GRB14: variants seen among roughly 807,000 people sequenced by gnomAD.
GRB14 encodes growth factor receptor-bound protein 14.
In GRB14, 38 loss-of-function variants were observed where a neutral mutation model predicts 69.1. The observed-to-expected ratio is 0.55, with a 90% CI of 0.42 to 0.72. The LOEUF (loss-of-function observed/expected upper bound fraction) is 0.72. GRB14 is among the 30% of genes least tolerant of loss of function. The pLI is 0.00. For synonymous variants in GRB14, 247 were observed against 241.3 expected, an observed-to-expected ratio of 1.02 and a Z score of -0.22; for missense variants, 666 against 666.1, an observed-to-expected ratio of 1.00 and a Z score of 0.00.
intron 8 of GRB14, among the ~76,000 whole-genome samples, chr2:164,503,113 G>A (rs1574246810): frequency 6.7e-6 from 1 of 150,190 alleles, no homozygotes; most frequent in East Asian, 2.0e-4. Context: ...ACTTGTCCTG[G>A]AGGTTTCCAC....
At chr2:164,540,875 G>C (rs1163209171) in intron 3 of GRB14, among the ~76,000 whole-genome samples, 1 of 152,170 alleles carries the variant, frequency 6.6e-6, no homozygotes, top group Non-Finnish European at 1.5e-5. Context: ...AACTGTTTGG[G>C]TAACGCAGCC....
chr2:164,616,693 T>C (rs575930135), intron 2 of GRB14, among the ~76,000 whole-genome samples: 8 of 152,280 alleles, frequency 5.3e-5, no homozygotes, highest in African/African-American at 1.9e-4. Flanking sequence ...ACATTTTTAG[T>C]CTGGATTCTC....
At chr2:164,572,945 T>C (rs559660874) in intron 2 of GRB14, among the ~76,000 whole-genome samples, 12 of 152,338 alleles carry the variant, frequency 7.9e-5, no homozygotes, top group East Asian at 5.8e-4. Context: ...TCTCACACTA[T>C]TGTGCTGTGC....
rs574967446 is a variant in GRB14 at position 164,508,512 on chromosome 2, G to A, written c.966C>T (p.Leu322=). 1 of 1,614,106 alleles carries A rather than the reference G, an allele frequency of 6.2e-7. No homozygotes were observed. Among genetic ancestry groups the A allele is most frequent in the African/African-American group, 1.3e-5 (1 of 75,050 alleles). ...TCCTACTCTGCTCTTCTTCTGCACAGAGCATTTTCAGGTCTCGGGGCCCTC... is the reference window on the plus strand; with the variant it reads ...TCCTACTCTGCTCTTCTTCTGCACAAAGCATTTTCAGGTCTCGGGGCCCTC... ...KAGGPRDLKM[L]CAEEEQSRTC... The change falls in exon 8 of 14, where the codon CTC becomes CTT. Residue 322 remains leucine, a synonymous_variant. Coordinates refer to ENST00000263915, the MANE Select transcript of GRB14 (RefSeq NM_004490.3).
In GRB14 at chr2:164,527,155, G is replaced by A. The variant is rs781559590; in HGVS notation, c.482-20C>T. The A allele has an allele frequency of 1.6e-6, 2 of 1,236,056 alleles. No individual in the cohort carries two copies. Among genetic ancestry groups the A allele is most frequent in the Non-Finnish European group, 2.3e-6 (2 of 881,828 alleles). The allele number at this position is 1,236,056 out of a possible 1,614,324, so 76.6% of individuals were successfully genotyped here. A position where few individuals can be genotyped will look rare whatever the true frequency, so the allele number is the denominator to read the frequency against. ...TTCTTTCTGTAAAGAATGTTTCAATGAGTATGTTGACAGATAGACAAATAT... is the reference window on the plus strand; with the variant it reads ...TTCTTTCTGTAAAGAATGTTTCAATAAGTATGTTGACAGATAGACAAATAT... On this transcript the variant is annotated intron_variant, in intron 3 of 13. Coordinates refer to ENST00000263915, the MANE Select transcript of GRB14 (RefSeq NM_004490.3).
rs192191313 is a variant in GRB14 at position 164,522,635 on chromosome 2, G to A, written c.679-518C>T. On this transcript the variant is annotated intron_variant, in intron 5 of 13. Transcript: ENST00000263915. The stretch of plus-strand genomic sequence containing the variant: ...GACTTCAATTGTGAAGCAGGAAGTT[G>A]AGCCAAGTTCACCTCCTTGAGGCGG... Among the ~76,000 whole-genome samples, 85 of 152,222 alleles carry A rather than the reference G, an allele frequency of 5.6e-4. 1 individual carries two copies. In the South Asian group the frequency reaches 0.01, roughly 19 times the overall value.
At chr2:164,599,487 T>C (rs939123348) in intron 2 of GRB14, among the ~76,000 whole-genome samples, 1 of 152,086 alleles carries the variant, frequency 6.6e-6, no homozygotes, top group Non-Finnish European at 1.5e-5. Flanking sequence ...ACTGAAGAGA[T>C]AAAAAAGAAT....
At chr2:164,593,770 G>A (rs1035719473) in intron 2 of GRB14, among the ~76,000 whole-genome samples, 5 of 152,150 alleles carry the variant, frequency 3.3e-5, no homozygotes, top group African/African-American at 1.2e-4. Context: ...ATTTCCAGGA[G>A]GGATGCCTTC....
chr2:164,516,795 G>A lies in GRB14; in HGVS notation c.816+5185C>T, dbSNP rs143195827. ...TCTCAGCATTTTGGGATGCCGAGGTGGGTGGATCACTTGAGGGCAGAATTT... is the reference window on the plus strand; with the variant it reads ...TCTCAGCATTTTGGGATGCCGAGGTAGGTGGATCACTTGAGGGCAGAATTT... On this transcript the variant is annotated intron_variant, in intron 6 of 13. Coordinates refer to ENST00000263915, the MANE Select transcript of GRB14 (RefSeq NM_004490.3). Among the ~76,000 whole-genome samples, 115 of 152,274 alleles carry A rather than the reference G, an allele frequency of 7.6e-4. 1 individual carries two copies. In the East Asian group the frequency reaches 0.021, roughly 28 times the overall value.
At chr2:164,619,273 G>A (rs1022362684) in intron 2 of GRB14, among the ~76,000 whole-genome samples, 4 of 152,116 alleles carry the variant, frequency 2.6e-5, no homozygotes, top group African/African-American at 9.7e-5. Context: ...GTTGGCTTGG[G>A]TTGAAAATGT....
chr2:164,539,644 A>G (rs1003455342), intron 3 of GRB14: 3 of 152,164 alleles, frequency 2.0e-5, no homozygotes, highest in Non-Finnish European at 2.9e-5. Context: ...CGATAGTAGC[A>G]TATGTATTCA....
intron 2 of GRB14, among the ~76,000 whole-genome samples, chr2:164,555,147 C>G (rs553476602): frequency 1.2e-4 from 18 of 152,336 alleles, no homozygotes; most frequent in African/African-American, 3.6e-4. Flanking sequence ...AAAGGCTAAG[C>G]AGTCAGCCTT....
chr2:164,523,446 G>A (rs1185026460), intron 5 of GRB14, among the ~76,000 whole-genome samples: 1 of 151,450 alleles, frequency 6.6e-6, no homozygotes, highest in Non-Finnish European at 1.5e-5. Context: ...AAATCCCTCT[G>A]AATAAACAAA....
chr2:164,527,098 C>A lies in GRB14; in HGVS notation c.519G>T (p.Val173=), dbSNP rs1397695068. The change falls in exon 4 of 14, where the codon GTG becomes GTT. Residue 173 remains valine, a synonymous_variant. Transcript: ENST00000263915. ...CTTCTTCTATCCCCCAGTTGGATAG[C>A]ACTTCAATCACCAGTTCGTGGTCTT... ...TIEDHELVIE[V]LSNWGIEEEN... is the part of the protein sequence containing the mutation. 1 of 1,581,290 alleles carries A rather than the reference C, an allele frequency of 6.3e-7. No homozygotes were observed. Among genetic ancestry groups the A allele is most frequent in the Admixed American group, 1.7e-5 (1 of 58,904 alleles).
intron 2 of GRB14, among the ~76,000 whole-genome samples, chr2:164,571,844 G>T (rs550061437): frequency 6.6e-5 from 10 of 152,208 alleles, no homozygotes; most frequent in Admixed American, 5.9e-4. Flanking sequence ...TCTCTCCAAG[G>T]CACCCCACTA....
In GRB14 at chr2:164,497,474, T is replaced by C. The variant is rs1686935157; in HGVS notation, c.1121A>G (p.Asn374Ser). Residue 374 changes from asparagine to serine, a missense_variant, in exon 10 of 14, where the codon AAT (asparagine) becomes AGT (serine). Asn to Ser is a conservative substitution (Grantham distance 46, BLOSUM62 1). Transcript: ENST00000263915. ...SISPMRSISE[N>S]SLVAMDFSGQ... ...TGAGAAGTCCATTGCTACCAGGGAA[T>C]TCTCTGATATACTTCTCTGGAAAAA... The C allele has an allele frequency of 6.2e-7, 1 of 1,602,910 alleles. No individual in the cohort carries two copies. Among genetic ancestry groups the C allele is most frequent in the African/African-American group, 1.3e-5 (1 of 74,606 alleles).
At chr2:164,552,941 C>G (rs1002253675) in intron 2 of GRB14, among the ~76,000 whole-genome samples, 26 of 152,156 alleles carry the variant, frequency 1.7e-4, no homozygotes, top group African/African-American at 6.3e-4. Flanking sequence ...TGGGACTGCT[C>G]TTTCATATGC....
At chr2:164,516,764 A>C (rs1268801881) in intron 6 of GRB14, among the ~76,000 whole-genome samples, 1 of 152,138 alleles carries the variant, frequency 6.6e-6, no homozygotes, top group African/African-American at 2.4e-5. Flanking sequence ...CTCTTTAAAG[A>C]ATAAATCTCA....
At chr2:164,505,515 A>G (rs997761863) in intron 8 of GRB14, among the ~76,000 whole-genome samples, 1 of 152,186 alleles carries the variant, frequency 6.6e-6, no homozygotes, top group African/African-American at 2.4e-5. Context: ...CCCATGCCAT[A>G]TCCTGTGGAA....
Sources: gnomAD v4.1 joint callset for allele counts (sites outside exome capture counted in the v4.1 genomes callset) on GRCh38, gnomAD v4.1.1 for gene constraint, MANE v1.5 for transcripts, NCBI Gene and HGNC (gene_info 2026-07-23, HGNC 2026-07-21) for gene names.